Variants in BEND4 observed in about 807,000 individuals in gnomAD.
BEND4 encodes the protein BEN domain containing 4, also known as BEN domain-containing protein 4.
In BEND4, 27 loss-of-function variants were observed where a neutral mutation model predicts 54.7. The ratio of observed to expected loss-of-function variants is 0.49; its 90% CI spans 0.36 to 0.68. BEND4 has a LOEUF of 0.68. Ranked by LOEUF, BEND4 falls within the 30% of genes least tolerant of loss-of-function variation. The pLI is 0.00. For synonymous variants in BEND4, 327 were observed against 299.5 expected (o/e 1.09, Z -0.95); for missense variants, 702 against 697.2 (o/e 1.01, Z -0.08).
intron 3 of BEND4, among the ~76,000 whole-genome samples, chr4:42,142,571 T>G (rs1720926057): frequency 6.7e-6 from 1 of 149,302 alleles, no homozygotes; most frequent in South Asian, 2.1e-4. Flanking sequence ...AGACGGAGGT[T>G]GCAGTGAGCC....
rs1055305279 is a variant in BEND4, at chr4:42,113,951, G to C, written c.*3567C>G. On this transcript the variant is annotated 3_prime_UTR_variant, in exon 6 of 6. Coordinates refer to ENST00000502486, the MANE Select transcript of BEND4 (RefSeq NM_207406.4). ...TCACCTAAATGCTGTGGTGGAATGAGGAAAACCAAAAAAGTGATGCGCGGG... is the reference window on the plus strand; with the variant it reads ...TCACCTAAATGCTGTGGTGGAATGACGAAAACCAAAAAAGTGATGCGCGGG... The C allele has an allele frequency of 1.3e-5, 2 of 152,088 alleles. No individual in the cohort carries two copies. Among genetic ancestry groups the C allele is most frequent in the Non-Finnish European group, 2.9e-5 (2 of 68,006 alleles). 9.4% of individuals were successfully genotyped at this position (152,088 alleles called of 1,614,324 possible).
chr4:42,118,995 C>G (rs144420084), intron 5 of BEND4, among the ~76,000 whole-genome samples: 33 of 152,290 alleles, frequency 2.2e-4, no homozygotes, highest in African/African-American at 7.5e-4. Flanking sequence ...TGCATACGCC[C>G]CTAAGGTTGT....
chr4:42,151,869 C>G lies in BEND4; in HGVS notation c.275G>C (p.Arg92Pro), dbSNP rs1253933618. 3 of 1,313,358 alleles carry G rather than the reference C, an allele frequency of 2.3e-6. No individual in the cohort carries two copies. Among genetic ancestry groups the G allele is most frequent in the Middle Eastern group, 2.7e-4 (1 of 3,768 alleles). 81.4% of individuals were successfully genotyped at this position (1,313,358 alleles called of 1,614,324 possible). ...CGACGACGAAGCGGCGGCGGCGGCC[C>G]GGCCGGGCCCGGGGGGGTAGGAGCT... is the stretch of plus-strand genomic sequence containing the variant. ...AQSSYPPGPG[R>P]AAAAASSSSP... is the part of the protein sequence containing the mutation. Residue 92 changes from arginine to proline, a missense_variant, in exon 2 of 6, where the codon CGG (arginine) becomes CCG (proline). Physicochemically the swap from Arg to Pro is moderately radical, Grantham distance 103. Transcript: ENST00000502486.
At chr4:42,123,707 A>C (rs1001978527) in intron 4 of BEND4, among the ~76,000 whole-genome samples, 9 of 151,230 alleles carry the variant, frequency 6.0e-5, no homozygotes, top group Non-Finnish European at 1.3e-4. Flanking sequence ...AAAAAAAAAA[A>C]AAAAAAAAAA....
In BEND4 at chr4:42,143,470, G is replaced by A. The variant is rs1409912694; in HGVS notation, c.1012C>T (p.Gln338Ter). 6.4e-7 allele frequency: 1 copy of A among 1,552,230 alleles called. No homozygotes were observed. The highest frequency in any genetic ancestry group is 1.7e-4 in the Middle Eastern group (1 of 5,996). ...TTCCTTCTGAGCTCTTCATTTTCTT[G>A]TTGCAGTGAAATAACCTCCTGCTCC... is the stretch of plus-strand genomic sequence containing the variant. ...ELEQEVISLQ[Q>*]ENEELRRKLE... is the part of the protein sequence containing the mutation. Residue 338 changes from glutamine to a stop codon, truncating the protein, a stop_gained, in exon 3 of 6, where the codon CAA (glutamine) becomes TAA (stop). Transcript: ENST00000502486. LOFTEE classifies it high-confidence loss of function.
intron 4 of BEND4, among the ~76,000 whole-genome samples, chr4:42,122,863 C>T (rs759730703): frequency 5.3e-5 from 8 of 152,134 alleles, no homozygotes; most frequent in South Asian, 2.1e-4. Flanking sequence ...CTCAAAGGGA[C>T]GGGGCTGCGG....
intron 3 of BEND4, among the ~76,000 whole-genome samples, chr4:42,138,394 A>G (rs960914289): frequency 6.6e-6 from 1 of 152,200 alleles, no homozygotes; most frequent in African/African-American, 2.4e-5. Context: ...ATACAGAGCT[A>G]GAGAACAAAA....
At chr4:42,150,761 C>G (rs1204045629) in intron 2 of BEND4, among the ~76,000 whole-genome samples, 2 of 152,226 alleles carry the variant, frequency 1.3e-5, no homozygotes, top group Non-Finnish European at 2.9e-5. Flanking sequence ...GGGCAGCGCC[C>G]GCAGACTCGA....
At chr4:42,133,050 GAAGA>G in intron 3 of BEND4, among the ~76,000 whole-genome samples, 1 of 152,240 alleles carries the variant, frequency 6.6e-6, no homozygotes, top group Middle Eastern at 3.4e-3. Context: ...TACTTAAGAG[GAAGA>G]AAGGAAATAA....
chr4:42,125,500 C>T (rs1172241484), intron 4 of BEND4, 83 bp downstream of exon 4: 1 of 1,046,642 alleles, frequency 9.6e-7, no homozygotes, highest in African/African-American at 1.6e-5. Flanking sequence ...GCTAGCCAGT[C>T]TGTTCTGGTA....
chr4:42,144,573 T>C (rs1285467521), intron 2 of BEND4, among the ~76,000 whole-genome samples: 2 of 152,208 alleles, frequency 1.3e-5, no homozygotes, highest in East Asian at 3.8e-4. Flanking sequence ...AGCACAAAAC[T>C]GTATGTGTCT....
At chr4:42,150,814 A>C (rs1721241448) in intron 2 of BEND4, among the ~76,000 whole-genome samples, 1 of 152,220 alleles carries the variant, frequency 6.6e-6, no homozygotes, top group Admixed American at 6.5e-5. Flanking sequence ...GGTGCCTCCC[A>C]CGAGGCGTTT....
chr4:42,143,706 G>A lies in BEND4; in HGVS notation c.776C>T (p.Ser259Leu), dbSNP rs777896000. The change falls in exon 3 of 6, where the codon TCG becomes TTG. Residue 259 changes from serine (S) to leucine (L), a missense_variant. Coordinates refer to ENST00000502486, the MANE Select transcript of BEND4 (RefSeq NM_207406.4). ...GGGGTTTGGAGTTGGAAAGCTTCCC[G>A]AGAGCAGGTAATTTTGTAGAGAGTC... The part of the protein sequence containing the change: ...FTDSLQNYLL[S>L]GSFPTPNPSS... 9.3e-6 allele frequency: 15 copies of A among 1,614,032 alleles called. No homozygotes were observed. In the East Asian group the frequency reaches 1.1e-4, roughly 12 times the overall value.
chr4:42,136,139 G>A (rs1720690192), intron 3 of BEND4, among the ~76,000 whole-genome samples: 2 of 152,166 alleles, frequency 1.3e-5, no homozygotes. Context: ...TGATCCGTGA[G>A]CTTCTCAGGA....
chr4:42,119,845 G>C (rs1719990447), intron 5 of BEND4: 2 of 576,714 alleles, frequency 3.5e-6, no homozygotes, highest in African/African-American at 1.9e-5. Flanking sequence ...CGATGCTTAT[G>C]TACCACTAAG....
In BEND4 at chr4:42,111,059, T is replaced by C. The variant is rs951141159; in HGVS notation, c.*6459A>G. 1 of 152,228 alleles carries C rather than the reference T, an allele frequency of 6.6e-6. No individual in the cohort carries two copies. The highest frequency in any genetic ancestry group is 2.4e-5 in the African/African-American group (1 of 41,454). 9.4% of individuals were successfully genotyped at this position (152,228 alleles called of 1,614,324 possible). On this transcript the variant is annotated 3_prime_UTR_variant, in exon 6 of 6. Transcript: ENST00000502486. ...GAACACCTGAAATAATTGGCTCTAG[T>C]AACAAATGTCTCTTATAATTAAAAA...
intron 4 of BEND4, 84 bp from the exon 5 acceptor site, chr4:42,120,378 C>T (rs1577746303): frequency 6.6e-7 from 1 of 1,511,860 alleles, no homozygotes; most frequent in East Asian, 2.3e-5. Context: ...GGCAAACATG[C>T]TTTTTTTAAC....
rs1423232989 is a variant in BEND4 at position 42,151,742 on chromosome 4, A to G, written c.402T>C (p.Ala134=). Residue 134 remains alanine, a synonymous_variant, in exon 2 of 6, where the codon GCT becomes GCC. Coordinates refer to ENST00000502486, the MANE Select transcript of BEND4 (RefSeq NM_207406.4). ...CCGCGCCTGGGCCATACCTGACGAC[A>G]GCGGCGAACGAAGACGACGAGGAGG... ...PAASSSSSFA[A]VVRYGPGAAA... The G allele has an allele frequency of 6.7e-7, 1 of 1,501,420 alleles. No homozygotes were observed. Among genetic ancestry groups the G allele is most frequent in the Non-Finnish European group, 8.8e-7 (1 of 1,131,146 alleles). 93.0% of individuals were successfully genotyped at this position (1,501,420 alleles called of 1,614,324 possible).
rs1384166049 is a variant in BEND4, at chr4:42,110,896, T to A, written c.*6622A>T. ...ATGTATTCAAAGAAACAGAAAAGTA[T>A]TTACAATGAATTAGAAAGATGCAAA... On this transcript the variant is annotated 3_prime_UTR_variant, in exon 6 of 6. Coordinates refer to ENST00000502486, the MANE Select transcript of BEND4 (RefSeq NM_207406.4). 1.3e-5 allele frequency: 2 copies of A among 152,160 alleles called. No homozygotes were observed. Among genetic ancestry groups the A allele is most frequent in the Non-Finnish European group, 2.9e-5 (2 of 68,030 alleles). 9.4% of individuals were successfully genotyped at this position (152,160 alleles called of 1,614,324 possible).
Sources: allele counts gnomAD v4.1 joint callset (sites outside exome capture counted in the v4.1 genomes callset), GRCh38; gene constraint gnomAD v4.1.1; transcripts MANE v1.5; gene names NCBI Gene and HGNC (gene_info 2026-07-23, HGNC 2026-07-21).